Variants in PCDH15 observed in about 807,000 individuals in gnomAD.
The protein encoded by PCDH15 is protocadherin related 15, also known as protocadherin-15.
Under a neutral mutation model 178.5 loss-of-function variants are expected in PCDH15, and 129 were observed. The ratio of observed to expected loss-of-function variants is 0.72; its 90% CI spans 0.63 to 0.84. The LOEUF is 0.84. PCDH15 is among the 40% of genes least tolerant of loss of function. The pLI is 0.00. For missense variants in PCDH15, 2,230 were observed against 2,099.9 expected (o/e 1.06, Z -1.21); for synonymous variants, 800 against 732.0 (o/e 1.09, Z -1.50).
At chr10:54,345,467 C>T (rs1943085693) in intron 6 of PCDH15, among the ~76,000 whole-genome samples, 1 of 151,716 alleles carries the variant, frequency 6.6e-6, no homozygotes, top group Admixed American at 6.6e-5. Flanking sequence ...CTTTGGGGGG[C>T]CCGTGGGATT....
chr10:54,334,711 ACACG>A (rs758758987), intron 6 of PCDH15, among the ~76,000 whole-genome samples: 1 of 140,658 alleles, frequency 7.1e-6, no homozygotes, highest in African/African-American at 2.7e-5. Context: ...ACACACACAC[ACACG>A]TGTATATATA....
chr10:55,504,238 T>C (rs1374411763), intron 2 of PCDH15, among the ~76,000 whole-genome samples: 3 of 151,274 alleles, frequency 2.0e-5, no homozygotes, highest in African/African-American at 7.3e-5. Flanking sequence ...ACCACTCAGG[T>C]GAGGAATGTT....
intron 2 of PCDH15, among the ~76,000 whole-genome samples, chr10:54,625,387 G>A (rs1454851120): frequency 1.3e-5 from 2 of 152,192 alleles, no homozygotes; most frequent in Non-Finnish European, 2.9e-5. Flanking sequence ...GATATGGTTT[G>A]GTTCTGTGTC....
intron 3 of PCDH15, among the ~76,000 whole-genome samples, chr10:54,382,252 A>T (rs1949328962): frequency 1.3e-5 from 2 of 152,088 alleles, no homozygotes; most frequent in African/African-American, 2.4e-5. Context: ...TAGCCTCTTT[A>T]TTAGCCTATT....
chr10:53,854,915 C>T (rs558922091), intron 28 of PCDH15, among the ~76,000 whole-genome samples: 2 of 152,130 alleles, frequency 1.3e-5, no homozygotes, highest in East Asian at 1.9e-4. Flanking sequence ...CACAATGATA[C>T]GATTCTCTCA....
intron 25 of PCDH15, among the ~76,000 whole-genome samples, chr10:53,925,240 T>C (rs2084411963): frequency 6.6e-6 from 1 of 152,130 alleles, no homozygotes; most frequent in Non-Finnish European, 1.5e-5. Context: ...GCTTCACTCC[T>C]GAGGCCAGCG....
At chr10:54,570,825 T>TTC (rs369769036) in intron 2 of PCDH15, among the ~76,000 whole-genome samples, 108,617 of 144,790 alleles carry the variant, frequency 0.75, 41,122 homozygotes, top group East Asian at 0.84. Flanking sequence ...CTATTTTTTT[T>TTC]TTTCTTTTTT....
intron 2 of PCDH15, among the ~76,000 whole-genome samples, chr10:54,601,119 T>C (rs2092508024): frequency 6.6e-6 from 1 of 152,042 alleles, no homozygotes; most frequent in Admixed American, 6.6e-5. Context: ...AATCTTATGT[T>C]GATCGATGTG....
chr10:54,109,275 T>G (rs2094971477), intron 15 of PCDH15, among the ~76,000 whole-genome samples: 1 of 152,174 alleles, frequency 6.6e-6, no homozygotes, highest in African/African-American at 2.4e-5. Flanking sequence ...ATGGCAGAGC[T>G]ATCTGCACTC....
chr10:55,178,386 T>C (rs1839553257), intron 1 of PCDH15, among the ~76,000 whole-genome samples: 3 of 152,154 alleles, frequency 2.0e-5, no homozygotes, highest in Admixed American at 6.6e-5. Context: ...CTCTTGGGAA[T>C]ACACCTTTCA....
chr10:55,379,873 A>C (rs1837490688), intron 2 of PCDH15, among the ~76,000 whole-genome samples: 1 of 152,150 alleles, frequency 6.6e-6, no homozygotes, highest in Non-Finnish European at 1.5e-5. Context: ...GCTGATAAAA[A>C]TCTGTTTCTA....
chr10:54,924,983 A>C (rs923172647), intron 2 of PCDH15, among the ~76,000 whole-genome samples: 1 of 151,956 alleles, frequency 6.6e-6, no homozygotes, highest in East Asian at 1.9e-4. Context: ...CTTTTGTTGC[A>C]ATTTCTTTTG....
chr10:53,838,391 C>T (rs957683591), intron 29 of PCDH15, among the ~76,000 whole-genome samples: 5 of 152,016 alleles, frequency 3.3e-5, no homozygotes, highest in African/African-American at 1.2e-4. Flanking sequence ...TTTGGAAAAA[C>T]TTATTTAGAA....
intron 2 of PCDH15, among the ~76,000 whole-genome samples, chr10:55,082,724 C>T (rs7910717): frequency 0.08 from 12,131 of 151,644 alleles, 586 homozygotes; most frequent in East Asian, 0.23. Flanking sequence ...AAAGGAGACA[C>T]TATAACTGAT....
chr10:54,670,608 C>T (rs989975458), intron 1 of PCDH15, among the ~76,000 whole-genome samples: 1 of 151,980 alleles, frequency 6.6e-6, no homozygotes, highest in African/African-American at 2.4e-5. Context: ...ATAATAGATA[C>T]ATGCCAAATG....
intron 2 of PCDH15, among the ~76,000 whole-genome samples, chr10:54,909,157 T>C (rs978501060): frequency 6.6e-5 from 10 of 151,984 alleles, no homozygotes; most frequent in Admixed American, 5.2e-4. Context: ...CTGTCATGGG[T>C]GGGCCCAGAA....
chr10:55,395,756 T>C (rs1481306876), intron 2 of PCDH15, among the ~76,000 whole-genome samples: 1 of 152,030 alleles, frequency 6.6e-6, no homozygotes, highest in Non-Finnish European at 1.5e-5. Flanking sequence ...CTAGTGAATC[T>C]GCATCAACAC....
intron 2 of PCDH15, among the ~76,000 whole-genome samples, chr10:55,442,485 A>ATATATATATATATAT (rs1839218672): frequency 1.1e-5 from 1 of 91,746 alleles, no homozygotes; most frequent in East Asian, 5.5e-4. Flanking sequence ...TATATATTAT[A>ATATATATATATATAT]TATATATATA....
intron 3 of PCDH15, among the ~76,000 whole-genome samples, chr10:54,397,989 T>C (rs1951459202): frequency 6.6e-6 from 1 of 151,928 alleles, no homozygotes; most frequent in African/African-American, 2.4e-5. Flanking sequence ...ACTATCCCAG[T>C]TGGTCACAAA....
Sources: allele counts gnomAD v4.1 joint callset (sites outside exome capture counted in the v4.1 genomes callset), GRCh38; gene constraint gnomAD v4.1.1; transcripts MANE v1.5; gene names NCBI Gene and HGNC (gene_info 2026-07-23, HGNC 2026-07-21).